The following SNX2 variants were observed in gnomAD, a reference collection of about 807,000 sequenced individuals.
SNX2 encodes the protein sorting nexin-2.
SNX2 carries 25 observed loss-of-function variants against 69.9 expected under a neutral mutation model. That is an observed-to-expected ratio of 0.36 (90% CI 0.26 to 0.50). The LOEUF (loss-of-function observed/expected upper bound fraction) is 0.50. Ranked by LOEUF, SNX2 falls within the 20% of genes least tolerant of loss-of-function variation. The pLI is 0.97. For synonymous variants in SNX2, 229 were observed against 200.4 expected (o/e 1.14, Z -1.20); for missense variants, 551 against 613.3 (o/e 0.90, Z 1.07).
At chr5:122,788,185 C>T (rs923457304) in intron 1 of SNX2, among the ~76,000 whole-genome samples, 2 of 152,222 alleles carry the variant, frequency 1.3e-5, no homozygotes, top group African/African-American at 4.8e-5. Flanking sequence ...GGTCTTTCAA[C>T]ACTTTCAGAG....
At chr5:122,789,488 C>CACGG (rs2150003030) in intron 1 of SNX2, among the ~76,000 whole-genome samples, 1 of 151,468 alleles carries the variant, frequency 6.6e-6, no homozygotes, top group Non-Finnish European at 1.5e-5. Flanking sequence ...CACACACACA[C>CACGG]ACACACACAC....
chr5:122,832,714 G>A lies in SNX2; in HGVS notation c.*3066G>A, dbSNP rs1320520786. On this transcript the variant is annotated 3_prime_UTR_variant, in exon 15 of 15. Transcript: ENST00000379516. ...AGGAGGAAGTCAGATGAGTAGAGAAGGAAAGTTATATTCCTTTACAAATGC... is the reference window on the plus strand; with the variant it reads ...AGGAGGAAGTCAGATGAGTAGAGAAAGAAAGTTATATTCCTTTACAAATGC... 1 of 152,166 alleles carries A rather than the reference G, an allele frequency of 6.6e-6. No individual in the cohort carries two copies. Among genetic ancestry groups the A allele is most frequent in the Non-Finnish European group, 1.5e-5 (1 of 68,016 alleles). The allele number at this position is 152,166 out of a possible 1,614,324, so 9.4% of individuals were successfully genotyped here. A position where few individuals can be genotyped will look rare whatever the true frequency, so the allele number is the denominator to read the frequency against.
chr5:122,792,420 C>G (rs1753262902), intron 1 of SNX2, among the ~76,000 whole-genome samples: 1 of 152,008 alleles, frequency 6.6e-6, no homozygotes, highest in African/African-American at 2.4e-5. Flanking sequence ...ATGGTGAAAC[C>G]CCTTCTCTAC....
intron 6 of SNX2, among the ~76,000 whole-genome samples, chr5:122,806,142 G>GCACGCGCGCGCACACA (rs1554063175): frequency 7.7e-6 from 1 of 130,584 alleles, no homozygotes; most frequent in African/African-American, 2.9e-5. Flanking sequence ...ACACGCGCGC[G>GCACGCGCGCGCACACA]CACACACACA....
In SNX2 at chr5:122,831,275, G is replaced by A. The variant is rs974792598; in HGVS notation, c.*1627G>A. On this transcript the variant is annotated 3_prime_UTR_variant, in exon 15 of 15. Coordinates refer to ENST00000379516, the MANE Select transcript of SNX2 (RefSeq NM_003100.4). ...TGTTATTCATATTTATACTCCCACA[G>A]CCCAGAAGAGTGGCTGATACATAAT... 6.6e-6 allele frequency among the ~76,000 whole-genome samples: 1 copy of A among 152,132 alleles called. No individual in the cohort carries two copies. Among genetic ancestry groups the A allele is most frequent in the African/African-American group, 2.4e-5 (1 of 41,436 alleles).
At position 122,775,430 on chromosome 5, in the gene SNX2, C is replaced by T; in HGVS notation, c.108+219C>T. On this transcript the variant is annotated intron_variant, in intron 1 of 14. Coordinates refer to ENST00000379516, the MANE Select transcript of SNX2 (RefSeq NM_003100.4). ...CAGCCTGCGGCCCGCGGGTGCCGAC[C>T]TAATCCTCAGAGGGGCCAGAACCGA... 2.4e-6 allele frequency: 3 copies of T among 1,262,126 alleles called. No homozygotes were observed. The South Asian group carries it at 7.2e-5, about 30-fold the overall frequency. 78.2% of individuals were successfully genotyped at this position (1,262,126 alleles called of 1,614,324 possible).
At chr5:122,828,891 G>A (rs982739567) in intron 14 of SNX2, among the ~76,000 whole-genome samples, 1 of 152,130 alleles carries the variant, frequency 6.6e-6, no homozygotes, top group East Asian at 1.9e-4. Context: ...GGCCGAGGCG[G>A]GTGGATCACC....
In SNX2 at chr5:122,830,862, C is replaced by T. The variant is rs976814744; in HGVS notation, c.*1214C>T. Among the ~76,000 whole-genome samples, 1 of 151,730 alleles carries T rather than the reference C, an allele frequency of 6.6e-6. No homozygotes were observed. The highest frequency in any genetic ancestry group is 2.4e-5 in the African/African-American group (1 of 41,296). ...CATCTCTACTAAAAATACAAAAATT[C>T]GCCTGGTGTGGTGGGGTGTGCTTGT... is the stretch of plus-strand genomic sequence containing the variant. On this transcript the variant is annotated 3_prime_UTR_variant, in exon 15 of 15. Transcript: ENST00000379516.
At chr5:122,828,502 T>A (rs1754209349) in intron 14 of SNX2, among the ~76,000 whole-genome samples, 1 of 152,192 alleles carries the variant, frequency 6.6e-6, no homozygotes, top group Non-Finnish European at 1.5e-5. Context: ...CCTTTTTTTT[T>A]TCTTGTTCAG....
intron 7 of SNX2, among the ~76,000 whole-genome samples, chr5:122,812,898 T>C (rs1753812257): frequency 6.6e-6 from 1 of 152,224 alleles, no homozygotes; most frequent in African/African-American, 2.4e-5. Context: ...TAAATATTTG[T>C]AACTCTGTTG....
At position 122,834,149 on chromosome 5, in the gene SNX2, C is replaced by T. The variant is rs949106810; in HGVS notation, c.*4501C>T. The stretch of plus-strand genomic sequence containing the variant: ...TCAAGATTTCTGTTTTAATTATTAA[C>T]ATTTAGAATTCTAGGAAATCTTTTG... On this transcript the variant is annotated 3_prime_UTR_variant, in exon 15 of 15. Coordinates refer to ENST00000379516, the MANE Select transcript of SNX2 (RefSeq NM_003100.4). 2.0e-5 allele frequency: 3 copies of T among 152,148 alleles called. No homozygotes were observed. The highest frequency in any genetic ancestry group is 2.0e-4 in the Admixed American group (3 of 15,270). 9.4% of individuals were successfully genotyped at this position (152,148 alleles called of 1,614,324 possible). A position where few individuals can be genotyped will look rare whatever the true frequency, so the allele number is the denominator to read the frequency against.
intron 1 of SNX2, among the ~76,000 whole-genome samples, chr5:122,789,014 A>G (rs1753150660): frequency 6.6e-6 from 1 of 152,186 alleles, no homozygotes; most frequent in African/African-American, 2.4e-5. Context: ...CAAATGTTAT[A>G]TTGTGTAGGC....
rs1753911031 is a variant in SNX2 at position 122,816,857 on chromosome 5, AG to A, written c.799-57del. ...AGGAGGGGGGATCACTTTTGTGCCT[AG>A]TTAAACCTCCAGGCTTTTAACCGGT... is the stretch of plus-strand genomic sequence containing the variant. On this transcript the variant is annotated intron_variant, in intron 8 of 14. Coordinates refer to ENST00000379516, the MANE Select transcript of SNX2 (RefSeq NM_003100.4). 7 of 947,876 alleles carry A rather than the reference AG, an allele frequency of 7.4e-6. 1 individual carries two copies. The South Asian group carries it at 1.0e-4, about 14-fold the overall frequency. 58.7% of individuals were successfully genotyped at this position (947,876 alleles called of 1,614,324 possible). A position where few individuals can be genotyped will look rare whatever the true frequency, so the allele number is the denominator to read the frequency against.
At chr5:122,797,668 A>G (rs1428669536) in intron 2 of SNX2, among the ~76,000 whole-genome samples, 2 of 152,194 alleles carry the variant, frequency 1.3e-5, no homozygotes, top group East Asian at 3.9e-4. Flanking sequence ...ATACCAGAGG[A>G]GAGAATATAG....
chr5:122,806,142 G>GCGCACGCACGCACACACACACACACACA, intron 6 of SNX2, among the ~76,000 whole-genome samples: 1 of 130,584 alleles, frequency 7.7e-6, no homozygotes, highest in Non-Finnish European at 1.6e-5. Context: ...ACACGCGCGC[G>GCGCACGCACGCACACACACACACACACA]CACACACACA....
intron 7 of SNX2, among the ~76,000 whole-genome samples, chr5:122,812,728 G>C (rs904151752): frequency 7.2e-5 from 11 of 152,082 alleles, no homozygotes; most frequent in African/African-American, 2.7e-4. Context: ...AGTCCCTTTT[G>C]CTCACTGATG....
rs1201307392 is a variant in SNX2 at position 122,827,558 on chromosome 5, A to T, written c.1438-17A>T. 1.2e-6 allele frequency: 2 copies of T among 1,610,498 alleles called. No individual in the cohort carries two copies. Among genetic ancestry groups the T allele is most frequent in the African/African-American group, 1.3e-5 (1 of 74,800 alleles). ...TTAGCTTTCTACTAACGGACTTTTT[A>T]AAATGTACTTCAACAGAAAGAACGA... On this transcript the variant is annotated splice_polypyrimidine_tract_variant and intron_variant, in intron 13 of 14. Transcript: ENST00000379516.
At chr5:122,827,298 G>A in intron 12 of SNX2, 81 bp from the exon 13 acceptor site, 1 of 1,136,524 alleles carries the variant, frequency 8.8e-7, no homozygotes, top group South Asian at 1.4e-5. Context: ...TTCAGGCATT[G>A]TGATTAAATT....
At chr5:122,812,695 A>G (rs779027057) in intron 7 of SNX2, among the ~76,000 whole-genome samples, 4 of 152,186 alleles carry the variant, frequency 2.6e-5, no homozygotes, top group Admixed American at 6.5e-5. Flanking sequence ...CTAAAATGTA[A>G]GCTTCACCAG....
Sources: allele counts gnomAD v4.1 joint callset (sites outside exome capture counted in the v4.1 genomes callset), GRCh38; gene constraint gnomAD v4.1.1; transcripts MANE v1.5; gene names NCBI Gene and HGNC (gene_info 2026-07-23, HGNC 2026-07-21).